Variants in ASIC2 observed in about 807,000 individuals in gnomAD.
ASIC2 encodes the protein acid sensing ion channel subunit 2.
Under a neutral mutation model 57.3 loss-of-function variants are expected in ASIC2, and 25 were observed. The ratio of observed to expected loss-of-function variants is 0.44; its 90% CI spans 0.32 to 0.61. The LOEUF (loss-of-function observed/expected upper bound fraction) is 0.61. Among genes scored for constraint, ASIC2 ranks in the 20% least tolerant of loss-of-function variants. ASIC2 has a pLI of 0.06. For missense variants in ASIC2, 641 were observed against 738.1 expected, an observed-to-expected ratio of 0.87 and a Z score of 1.52; for synonymous variants, 319 against 307.5, an observed-to-expected ratio of 1.04 and a Z score of -0.39.
intron 1 of ASIC2, among the ~76,000 whole-genome samples, chr17:33,829,771 G>A (rs756217460): frequency 1.8e-4 from 28 of 152,068 alleles, no homozygotes; most frequent in South Asian, 1.2e-3. Flanking sequence ...CACTATGTTG[G>A]TCAGACTTGT....
chr17:33,473,833 C>G (rs1242679237), intron 1 of ASIC2, among the ~76,000 whole-genome samples: 1 of 151,972 alleles, frequency 6.6e-6, no homozygotes, highest in Non-Finnish European at 1.5e-5. Flanking sequence ...TTTCTTTGCT[C>G]CAAAGATCCC....
intron 1 of ASIC2, among the ~76,000 whole-genome samples, chr17:34,029,435 G>A (rs546261658): frequency 6.6e-6 from 1 of 151,852 alleles, no homozygotes; most frequent in Admixed American, 6.6e-5. Flanking sequence ...CTTCTAAGTG[G>A]GTACAGCCCT....
chr17:34,056,089 C>G (rs1000254629), intron 1 of ASIC2, among the ~76,000 whole-genome samples: 1 of 151,848 alleles, frequency 6.6e-6, no homozygotes, highest in African/African-American at 2.4e-5. Context: ...AGAATATTTG[C>G]CAGTGAATTA....
intron 1 of ASIC2, among the ~76,000 whole-genome samples, chr17:33,168,773 A>G (rs1905398919): frequency 6.6e-6 from 1 of 152,244 alleles, no homozygotes; most frequent in Non-Finnish European, 1.5e-5. Flanking sequence ...TAATACTTAA[A>G]GACAAAATTT....
Position 33,768,845 on chromosome 17 carries a change from A to G in ASIC2, c.555+387133T>C, listed in dbSNP as rs114746220. ...GAAACAGCCTGACTTCAGGGAGGAG[A>G]TGGCATGACTTTGGGGAAGAGACCT... On this transcript the variant is annotated intron_variant, in intron 1 of 9. Transcript: ENST00000359872. Among the ~76,000 whole-genome samples, 1,405 of 152,158 alleles carry G rather than the reference A, an allele frequency of 9.2e-3. 20 individuals carry two copies. The highest frequency in any genetic ancestry group is 0.032 in the African/African-American group (1,339 of 41,486).
chr17:33,638,621 G>T (rs1214801588), intron 1 of ASIC2, among the ~76,000 whole-genome samples: 1 of 152,066 alleles, frequency 6.6e-6, no homozygotes, highest in Non-Finnish European at 1.5e-5. Context: ...TTATATCTTG[G>T]ATACAATGTT....
At chr17:33,956,228 G>A (rs938930866) in intron 1 of ASIC2, among the ~76,000 whole-genome samples, 9 of 152,224 alleles carry the variant, frequency 5.9e-5, no homozygotes, top group Admixed American at 2.0e-4. Context: ...CTGGGAAAGC[G>A]CTCTTGAAGA....
At chr17:33,508,090 C>T (rs913636288) in intron 1 of ASIC2, among the ~76,000 whole-genome samples, 1 of 151,996 alleles carries the variant, frequency 6.6e-6, no homozygotes, top group East Asian at 1.9e-4. Context: ...CCTCCCTCTC[C>T]TCCCTTTTCC....
At chr17:34,029,788 C>A (rs2142035720) in intron 1 of ASIC2, among the ~76,000 whole-genome samples, 1 of 152,302 alleles carries the variant, frequency 6.6e-6, no homozygotes, top group Non-Finnish European at 1.5e-5. Flanking sequence ...GACTTACAGC[C>A]TCTAGAACTG....
chr17:33,808,975 TTC>T (rs1378546645), intron 1 of ASIC2, among the ~76,000 whole-genome samples: 1 of 152,268 alleles, frequency 6.6e-6, no homozygotes, highest in Non-Finnish European at 1.5e-5. Context: ...ATTCATGACT[TTC>T]TGAGTCATTC....
intron 1 of ASIC2, among the ~76,000 whole-genome samples, chr17:33,400,463 T>C (rs1472030042): frequency 6.6e-6 from 1 of 152,168 alleles, no homozygotes; most frequent in African/African-American, 2.4e-5. Flanking sequence ...AGGGTGAATG[T>C]TGGCTGGAGT....
chr17:33,206,323 A>C (rs1421804068), intron 1 of ASIC2, among the ~76,000 whole-genome samples: 1 of 152,090 alleles, frequency 6.6e-6, no homozygotes, highest in East Asian at 1.9e-4. Context: ...AGGGAAGGCC[A>C]CCACTTGTTG....
intron 1 of ASIC2, among the ~76,000 whole-genome samples, chr17:34,106,755 A>G (rs2142106062): frequency 6.6e-6 from 1 of 152,242 alleles, no homozygotes; most frequent in East Asian, 1.9e-4. Context: ...TCCTCCCACC[A>G]TGTTTTAAAG....
intron 1 of ASIC2, among the ~76,000 whole-genome samples, chr17:33,609,357 TG>T (rs1485797809): frequency 3.9e-5 from 6 of 152,218 alleles, no homozygotes; most frequent in African/African-American, 1.4e-4. Flanking sequence ...AAACTCATCG[TG>T]ACTGCCCTCC....
intron 1 of ASIC2, among the ~76,000 whole-genome samples, chr17:33,871,330 CAG>C (rs1914400608): frequency 6.6e-6 from 1 of 152,180 alleles, no homozygotes; most frequent in Admixed American, 6.5e-5. Flanking sequence ...GTATTTTGGG[CAG>C]CACTTGAAGA....
chr17:33,307,793 C>T (rs1906245951), intron 1 of ASIC2, among the ~76,000 whole-genome samples: 1 of 151,340 alleles, frequency 6.6e-6, no homozygotes, highest in Admixed American at 6.6e-5. Context: ...ATAATAATAC[C>T]TGCCTTGCAG....
At chr17:33,820,296 G>T (rs1912706624) in intron 1 of ASIC2, among the ~76,000 whole-genome samples, 1 of 152,136 alleles carries the variant, frequency 6.6e-6, no homozygotes, top group Admixed American at 6.5e-5. Flanking sequence ...TATTTTCATT[G>T]AAAACTGAGA....
intron 1 of ASIC2, among the ~76,000 whole-genome samples, chr17:33,700,898 G>A (rs1257807187): frequency 2.0e-5 from 3 of 152,146 alleles, no homozygotes; most frequent in Non-Finnish European, 4.4e-5. Context: ...AAAATCCATC[G>A]CTTTTGCAAG....
At chr17:33,654,163 G>A (rs1033064657) in intron 1 of ASIC2, among the ~76,000 whole-genome samples, 2 of 152,180 alleles carry the variant, frequency 1.3e-5, no homozygotes, top group South Asian at 4.1e-4. Flanking sequence ...GCTAGAACAA[G>A]GTACTTAGTA....
Sources: allele counts gnomAD v4.1 joint callset (sites outside exome capture counted in the v4.1 genomes callset), GRCh38; gene constraint gnomAD v4.1.1; transcripts MANE v1.5; gene names NCBI Gene and HGNC (gene_info 2026-07-23, HGNC 2026-07-21).